Variants in STARD9 observed in about 807,000 individuals in gnomAD.
STARD9 encodes StAR related lipid transfer domain containing 9.
A neutral mutation model predicts 399.8 loss-of-function variants in STARD9; 346 were observed. The ratio of observed to expected loss-of-function variants is 0.87; its 90% CI spans 0.79 to 0.95. The LOEUF (loss-of-function observed/expected upper bound fraction) is 0.95. Ranked by LOEUF, STARD9 falls within the 40% of genes least tolerant of loss-of-function variation. STARD9 has a pLI of 0.00. For missense variants in STARD9, 5,832 were observed against 5,667.5 expected (o/e 1.03, Z -0.93); for synonymous variants, 2,203 against 2,143.5 (o/e 1.03, Z -0.77).
At chr15:42,660,111 T>C (rs2059964331) in intron 9 of STARD9, among the ~76,000 whole-genome samples, 1 of 152,208 alleles carries the variant, frequency 6.6e-6, no homozygotes, top group Non-Finnish European at 1.5e-5. Context: ...AGATGTACGA[T>C]TCTATTTATA....
chr15:42,633,863 C>T (rs970193163), intron 3 of STARD9, among the ~76,000 whole-genome samples: 10 of 151,978 alleles, frequency 6.6e-5, no homozygotes, highest in South Asian at 2.1e-4. Context: ...AGGCCTGTCT[C>T]GAACTCCTGA....
intron 11 of STARD9, 108 bp from the exon 12 acceptor site, chr15:42,663,173 G>A (rs1182616795): frequency 6.8e-6 from 7 of 1,024,334 alleles, no homozygotes; most frequent in Non-Finnish European, 8.4e-6. Context: ...ATGCAGAAGG[G>A]ATTAGGAAAT....
Position 42,691,775 on chromosome 15 carries a change from C to T in STARD9, c.10197C>T (p.His3399=), listed in dbSNP as rs376018737. 346 of 1,537,248 alleles carry T rather than the reference C, an allele frequency of 2.3e-4. No individual in the cohort carries two copies. Among genetic ancestry groups the T allele is most frequent in the Admixed American group, 2.9e-4 (15 of 50,996 alleles). Residue 3399 remains histidine, a synonymous_variant, in exon 23 of 33, where the codon CAC becomes CAT. Transcript: ENST00000290607. ...ATGATGGGACTACCGATCACAGGCACCTGAAGCCTGCCACCCCTCCTTATC... is the reference window on the plus strand; with the variant it reads ...ATGATGGGACTACCGATCACAGGCATCTGAAGCCTGCCACCCCTCCTTATC... ...RLDDGTTDHR[H]LKPATPPYPM...
Position 42,663,422 on chromosome 15 carries a change from G to T in STARD9, c.1010G>T (p.Arg337Leu). 6.5e-7 allele frequency: 1 copy of T among 1,537,294 alleles called. No individual in the cohort carries two copies. The highest frequency in any genetic ancestry group is 1.4e-5 in the African/African-American group (1 of 73,166). The change falls in exon 12 of 33, where the codon CGA becomes CTA. Residue 337 changes from arginine to leucine, a missense_variant. Physicochemically the swap from Arg to Leu is moderately radical, Grantham distance 102. Transcript: ENST00000290607. Reference protein sequence around the residue: ...PSRRQSYIPYRDSVLTWLLKD... With the variant: ...PSRRQSYIPYLDSVLTWLLKD... ...CGAAGGCAGTCTTATATCCCATACC[G>T]AGACTCTGTGTTGACCTGGCTGCTG...
chr15:42,595,494 G>A (rs2058484092), intron 3 of STARD9, among the ~76,000 whole-genome samples: 1 of 152,136 alleles, frequency 6.6e-6, no homozygotes. Context: ...AAGGTTCAAT[G>A]TATGACTGAC....
At chr15:42,597,441 C>T (rs921340766) in intron 3 of STARD9, among the ~76,000 whole-genome samples, 3 of 152,092 alleles carry the variant, frequency 2.0e-5, no homozygotes, top group Non-Finnish European at 4.4e-5. Context: ...GGTCTCAGCT[C>T]ACTGCAACCT....
intron 7 of STARD9, among the ~76,000 whole-genome samples, chr15:42,648,237 A>G (rs1289866654): frequency 6.6e-6 from 1 of 152,126 alleles, no homozygotes; most frequent in Non-Finnish European, 1.5e-5. Context: ...ATCTCGGCTC[A>G]CTGCAACCTC....
intron 3 of STARD9, among the ~76,000 whole-genome samples, chr15:42,591,490 A>G (rs1353938856): frequency 6.6e-6 from 1 of 151,756 alleles, no homozygotes; most frequent in Non-Finnish European, 1.5e-5. Context: ...TCCATCTTAA[A>G]AAAAAAAAAA....
chr15:42,674,400 C>T (rs970868385), intron 16 of STARD9, 40 bp from the exon 17 acceptor site: 2 of 1,478,662 alleles, frequency 1.4e-6, no homozygotes, highest in Non-Finnish European at 1.8e-6. Context: ...AGGCTCTGTC[C>T]CTTTTAATTC....
At chr15:42,583,527 G>A (rs2058215632) in intron 2 of STARD9, 112 bp downstream of exon 2, 4 of 700,776 alleles carry the variant, frequency 5.7e-6, no homozygotes, top group South Asian at 1.9e-5. Flanking sequence ...GGAGGAAGGG[G>A]TATATAAGAG....
intron 7 of STARD9, among the ~76,000 whole-genome samples, chr15:42,640,322 A>G (rs1225141069): frequency 3.3e-5 from 5 of 152,178 alleles, no homozygotes; most frequent in Non-Finnish European, 4.4e-5. Flanking sequence ...TAGGTATGCT[A>G]GTGACTGATT....
At position 42,662,831 on chromosome 15, in the gene STARD9, G is replaced by A. The variant is rs1300529346; in HGVS notation, c.808G>A (p.Ala270Thr). The change falls in exon 11 of 33, where the codon GCT (alanine) becomes ACT (threonine). Residue 270 changes from alanine (A) to threonine (T), a missense_variant. By Grantham distance (58) the Ala-to-Thr change is moderately conservative. Coordinates refer to ENST00000290607, the MANE Select transcript of STARD9 (RefSeq NM_020759.3). ...ADPSYCKDRIAEGANINKSLV... is the reference protein window; with the variant it reads ...ADPSYCKDRITEGANINKSLV... ...TCCCAGTTACTGTAAGGACCGCATT[G>A]CTGAAGGAGCCAATATCAACAAGTC... 6.5e-7 allele frequency: 1 copy of A among 1,537,488 alleles called. No individual in the cohort carries two copies. Among genetic ancestry groups the A allele is most frequent in the Non-Finnish European group, 8.7e-7 (1 of 1,146,882 alleles).
At position 42,665,851 on chromosome 15, in the gene STARD9, G is replaced by C; in HGVS notation, c.1317+3G>C. ...TGGTTCTCCAAAATGAATTGAAGGT[G>C]GGTGTGTTGGGTGGACTCAGTTGTT... On this transcript the variant is annotated splice_donor_region_variant and intron_variant, in intron 15 of 32. Transcript: ENST00000290607. 6.5e-7 allele frequency: 1 copy of C among 1,536,884 alleles called. No homozygotes were observed. Among genetic ancestry groups the C allele is most frequent in the Non-Finnish European group, 8.7e-7 (1 of 1,146,596 alleles).
At chr15:42,718,634 G>A in intron 31 of STARD9, 118 bp from the exon 32 acceptor site, 2 of 1,425,438 alleles carry the variant, frequency 1.4e-6, no homozygotes, top group Non-Finnish European at 1.9e-6. Flanking sequence ...CTGGAGCCAG[G>A]GTAGGGGTGG....
intron 26 of STARD9, among the ~76,000 whole-genome samples, chr15:42,716,050 G>A (rs541745547): frequency 6.6e-6 from 1 of 152,264 alleles, no homozygotes; most frequent in East Asian, 1.9e-4. Flanking sequence ...GTAGCAGTAG[G>A]TTAAAGGTGA....
In STARD9 at chr15:42,686,392, C is replaced by T. The variant is rs1355494078; in HGVS notation, c.4814C>T (p.Ala1605Val). 1.6e-5 allele frequency: 24 copies of T among 1,537,554 alleles called. No individual in the cohort carries two copies. The highest frequency in any genetic ancestry group is 2.0e-5 in the Non-Finnish European group (23 of 1,147,032). ...ESLSASRSTN[A>V]QVFATENAIP... ...TTGTCTGCTTCTCGATCTACAAATG[C>T]ACAGGTCTTTGCAACAGAGAACGCG... Residue 1605 changes from alanine to valine, a missense_variant, in exon 23 of 33, where the codon GCA becomes GTA. By Grantham distance (64) the Ala-to-Val change is moderately conservative. This residue lies in a region of STARD9 where 5,828 missense variants were observed against 5,651.1 expected (regional missense o/e 1.03). Coordinates refer to ENST00000290607, the MANE Select transcript of STARD9 (RefSeq NM_020759.3).
Position 42,691,906 on chromosome 15 carries a change from T to C in STARD9, c.10328T>C (p.Val3443Ala), listed in dbSNP as rs919027830. Residue 3443 changes from valine (V) to alanine (A), a missense_variant, in exon 23 of 33, where the codon GTC (valine) becomes GCC (alanine). This residue lies in a region of STARD9 where 5,828 missense variants were observed against 5,651.1 expected (regional missense o/e 1.03). Transcript: ENST00000290607. ...AQQGKREKLG[V>A]QVRPENWCSQ... ...CAGGGAAAGCGAGAGAAACTGGGTGTCCAGGTTAGGCCAGAAAATTGGTGC... is the reference window on the plus strand; with the variant it reads ...CAGGGAAAGCGAGAGAAACTGGGTGCCCAGGTTAGGCCAGAAAATTGGTGC... 1.3e-6 allele frequency: 2 copies of C among 1,537,144 alleles called. No individual in the cohort carries two copies. Among genetic ancestry groups the C allele is most frequent in the Non-Finnish European group, 1.7e-6 (2 of 1,146,930 alleles).
chr15:42,714,388 C>A (rs1237540443), intron 26 of STARD9, among the ~76,000 whole-genome samples: 1 of 152,072 alleles, frequency 6.6e-6, no homozygotes, highest in Non-Finnish European at 1.5e-5. Flanking sequence ...TTTTATTTCT[C>A]CTTGAGTCAG....
At chr15:42,694,414 T>C in intron 23 of STARD9, 72 bp downstream of exon 23, 1 of 1,527,554 alleles carries the variant, frequency 6.5e-7, no homozygotes, top group Non-Finnish European at 8.8e-7. Context: ...AGAAAGCTAA[T>C]AGCTTGCTGT....
Sources: allele counts gnomAD v4.1 joint callset (sites outside exome capture counted in the v4.1 genomes callset), GRCh38; gene constraint gnomAD v4.1.1; regional missense constraint gnomAD v4.1.1; transcripts MANE v1.5; gene names NCBI Gene and HGNC (gene_info 2026-07-23, HGNC 2026-07-21).